ST18: variants seen among roughly 807,000 people sequenced by gnomAD.
ST18 encodes ST18 C2H2C-type zinc finger transcription factor, also known as suppression of tumorigenicity 18 protein.
In ST18, 50 loss-of-function variants were observed where a neutral mutation model predicts 110.0. That is an observed-to-expected ratio of 0.45 (90% confidence interval 0.36 to 0.58). The LOEUF (loss-of-function observed/expected upper bound fraction) is 0.58. Among genes scored for constraint, ST18 ranks in the 20% least tolerant of loss-of-function variants. The pLI, the probability that ST18 is intolerant of heterozygous loss-of-function variation, is 0.00. For synonymous variants in ST18, 461 were observed against 452.4 expected (o/e 1.02, Z -0.24); for missense variants, 1,306 against 1,280.1 (o/e 1.02, Z -0.31).
intron 2 of ST18, among the ~76,000 whole-genome samples, chr8:52,370,350 ACATGTGTG>A (rs1175905871): frequency 6.6e-6 from 1 of 150,424 alleles, no homozygotes; most frequent in Non-Finnish European, 1.5e-5. Context: ...TCAGGCAGGC[ACATGTGTG>A]CATGTGTGTG....
intron 3 of ST18, among the ~76,000 whole-genome samples, chr8:52,225,504 C>A (rs1303151620): frequency 6.6e-6 from 1 of 152,198 alleles, no homozygotes; most frequent in Non-Finnish European, 1.5e-5. Context: ...ATTAGCCCAG[C>A]TGATGGGGCA....
At chr8:52,394,419 CAA>C (rs754700553) in intron 2 of ST18, among the ~76,000 whole-genome samples, 2 of 151,812 alleles carry the variant, frequency 1.3e-5, no homozygotes, top group Non-Finnish European at 2.9e-5. Flanking sequence ...TCAAAACATA[CAA>C]AAAAAAGTCT....
chr8:52,351,891 G>A (rs1321157363), intron 2 of ST18, among the ~76,000 whole-genome samples: 4 of 152,178 alleles, frequency 2.6e-5, no homozygotes, highest in African/African-American at 9.7e-5. Context: ...ATGTTATGCA[G>A]TCACAGAGTC....
chr8:52,403,304 T>G (rs1843378024), intron 2 of ST18: 2 of 152,266 alleles, frequency 1.3e-5, no homozygotes. Flanking sequence ...GGCTCTGGTT[T>G]CCAGATGGCA....
At chr8:52,398,389 T>C (rs1416092491) in intron 2 of ST18, among the ~76,000 whole-genome samples, 2 of 152,196 alleles carry the variant, frequency 1.3e-5, no homozygotes, top group Non-Finnish European at 2.9e-5. Flanking sequence ...TTCTCTTTTG[T>C]CATTGGATAC....
chr8:52,333,920 G>A (rs1810819288), intron 2 of ST18, among the ~76,000 whole-genome samples: 2 of 152,148 alleles, frequency 1.3e-5, no homozygotes, highest in African/African-American at 2.4e-5. Flanking sequence ...AAAGCCAATG[G>A]GCTCCACTTC....
intron 10 of ST18, among the ~76,000 whole-genome samples, chr8:52,171,157 G>T (rs1186176184): frequency 6.6e-6 from 1 of 152,168 alleles, no homozygotes; most frequent in East Asian, 1.9e-4. Context: ...ATAGCATGAG[G>T]CTCATCTGGT....
chr8:52,149,287 AAC>A (rs1026714541), intron 16 of ST18, among the ~76,000 whole-genome samples: 3 of 152,256 alleles, frequency 2.0e-5, no homozygotes, highest in African/African-American at 4.8e-5. Context: ...TAGGTATGCT[AAC>A]ACAGTCCCTT....
At chr8:52,266,178 G>A (rs2094861046) in intron 2 of ST18, among the ~76,000 whole-genome samples, 1 of 152,168 alleles carries the variant, frequency 6.6e-6, no homozygotes, top group South Asian at 2.1e-4. Context: ...AACAATTAAA[G>A]GGAAAAATGC....
At chr8:52,288,575 C>T (rs1416641365) in intron 2 of ST18, among the ~76,000 whole-genome samples, 3 of 151,640 alleles carry the variant, frequency 2.0e-5, no homozygotes, top group Non-Finnish European at 2.9e-5. Context: ...CGGCACTCAC[C>T]TATAATCCCA....
rs909328242 is a variant in ST18 at position 52,377,735 on chromosome 8, C to A, written c.-465+31593G>T. On this transcript the variant is annotated intron_variant, in intron 2 of 25. Coordinates refer to ENST00000689386, the MANE Select transcript of ST18 (RefSeq NM_001352837.2). ...CAAATAGAACTATGATATGATCCAGCAATCCCACTGCTGGATGTATACCCA... is the reference window on the plus strand; with the variant it reads ...CAAATAGAACTATGATATGATCCAGAAATCCCACTGCTGGATGTATACCCA... Among the ~76,000 whole-genome samples the A allele has an allele frequency of 8.5e-5, 13 of 152,144 alleles. No individual in the cohort carries two copies. In the South Asian group the frequency reaches 2.1e-3, roughly 24 times the overall value.
chr8:52,202,670 G>A (rs1299165777), intron 8 of ST18, among the ~76,000 whole-genome samples: 2 of 152,206 alleles, frequency 1.3e-5, no homozygotes, highest in Non-Finnish European at 2.9e-5. Context: ...TCAGTCCTGA[G>A]CCTGAAAGAA....
Position 52,263,720 on chromosome 8 carries a change from C to T in ST18, c.-464-33643G>A, listed in dbSNP as rs571459803. On this transcript the variant is annotated intron_variant, in intron 2 of 25. Coordinates refer to ENST00000689386, the MANE Select transcript of ST18 (RefSeq NM_001352837.2). The stretch of plus-strand genomic sequence containing the variant: ...TCAGCCTCCCAGAGTGCTGGGATTA[C>T]AGGTGTGAGTCACAGTGCCTGGCTT... Among the ~76,000 whole-genome samples the T allele has an allele frequency of 9.2e-5, 13 of 141,134 alleles. No individual in the cohort carries two copies. The South Asian group carries it at 2.5e-3, about 27-fold the overall frequency. The allele number at this position is 141,134 out of a possible 152,430, so 92.6% of individuals were successfully genotyped here.
chr8:52,113,963 T>G (rs1006565660), intron 25 of ST18, among the ~76,000 whole-genome samples: 1 of 100,468 alleles, frequency 1.0e-5, no homozygotes, highest in African/African-American at 4.2e-5. Context: ...TGTTTTTTTT[T>G]TTTTTTTTTT....
At chr8:52,274,958 T>C (rs2095192580) in intron 2 of ST18, among the ~76,000 whole-genome samples, 1 of 152,178 alleles carries the variant, frequency 6.6e-6, no homozygotes, top group African/African-American at 2.4e-5. Context: ...TTGTTTATAT[T>C]TTTATCTTAA....
intron 2 of ST18, among the ~76,000 whole-genome samples, chr8:52,374,130 A>G (rs1471680578): frequency 6.6e-6 from 1 of 152,106 alleles, no homozygotes; most frequent in Non-Finnish European, 1.5e-5. Context: ...ACCAAAATCC[A>G]CGTCTACCAA....
chr8:52,355,129 G>T (rs140700949), intron 2 of ST18, among the ~76,000 whole-genome samples: 77 of 152,218 alleles, frequency 5.1e-4, no homozygotes, highest in African/African-American at 1.8e-3. Flanking sequence ...ACACAAGTGT[G>T]AACATCCCAG....
chr8:52,393,941 A>G (rs1840216621), intron 2 of ST18: 1 of 151,714 alleles, frequency 6.6e-6, no homozygotes, highest in Non-Finnish European at 1.5e-5. Flanking sequence ...TATATAAGGC[A>G]CACCTCCAAA....
At chr8:52,367,234 TCTCACACACACACA>T (rs1828393324) in intron 2 of ST18, among the ~76,000 whole-genome samples, 1 of 104,492 alleles carries the variant, frequency 9.6e-6, no homozygotes, top group African/African-American at 3.7e-5. Context: ...CGGGACCCTG[TCTCACACACACACA>T]CACACACACA....
Sources: allele counts gnomAD v4.1 joint callset (sites outside exome capture counted in the v4.1 genomes callset), GRCh38; gene constraint gnomAD v4.1.1; transcripts MANE v1.5; gene names NCBI Gene and HGNC (gene_info 2026-07-23, HGNC 2026-07-21).